Variants in CCT6B observed in about 807,000 individuals in gnomAD.
CCT6B encodes the protein chaperonin containing TCP1 subunit 6B.
CCT6B carries 49 observed loss-of-function variants against 61.5 expected under a neutral mutation model. The observed-to-expected ratio is 0.80, with a 90% CI of 0.63 to 1.01. The LOEUF (loss-of-function observed/expected upper bound fraction) is 1.01, where lower values mean the gene tolerates loss of function less well. Ranked by LOEUF, CCT6B falls within the 50% of genes least tolerant of loss-of-function variation. The probability of loss-of-function intolerance (pLI) is 0.00; values close to 1 mark genes in which losing one functional copy is unlikely to be tolerated. For missense variants in CCT6B, 666 were observed against 634.7 expected (o/e 1.05, Z -0.53); for synonymous variants, 228 against 214.5 (o/e 1.06, Z -0.55).
intron 10 of CCT6B, 34 bp downstream of exon 10, chr17:34,939,149 A>C (rs776730687): frequency 6.4e-7 from 1 of 1,568,246 alleles, no homozygotes; most frequent in Non-Finnish European, 8.8e-7. Context: ...ACACATATAC[A>C]TGAGGTTCAT....
At chr17:34,929,491 C>CTTT (rs112985335) in intron 12 of CCT6B, among the ~76,000 whole-genome samples, 3 of 126,760 alleles carry the variant, frequency 2.4e-5, no homozygotes, top group East Asian at 2.5e-4. Context: ...TGTTTTCTTT[C>CTTT]TTTTTTTTTT....
rs761358249 is a variant in CCT6B, at chr17:34,951,950, T to G, written c.614A>C (p.Lys205Thr). ...TGTTGTCAAAGCTTATGTAATTTAC[T>G]TTGTATCTGTTCCTAATTTATGCTT... Reference protein sequence around the residue: ...EMKHKLGTDTKLIQGLVLDHG... With the variant: ...EMKHKLGTDTTLIQGLVLDHG... Residue 205 changes from lysine to threonine, a missense_variant and splice_region_variant, in exon 5 of 14, where the codon AAG becomes ACG. Coordinates refer to ENST00000314144, the MANE Select transcript of CCT6B (RefSeq NM_006584.4). The G allele has an allele frequency of 2.7e-6, 4 of 1,494,400 alleles. No homozygotes were observed. In the South Asian group the frequency reaches 4.7e-5, roughly 18 times the overall value. 92.6% of individuals were successfully genotyped at this position (1,494,400 alleles called of 1,614,324 possible).
At chr17:34,942,370 G>A in intron 7 of CCT6B, 114 bp downstream of exon 7, 1 of 717,002 alleles carries the variant, frequency 1.4e-6, no homozygotes, top group South Asian at 1.9e-5. Context: ...AATAGTTTTT[G>A]ACCTCACAGA....
Position 34,942,891 on chromosome 17 carries a change from T to C in CCT6B, c.630A>G (p.Leu210=), listed in dbSNP as rs144932771. ...LGTDTKLIQG[L]VLDHGARHPD... is the part of the protein sequence containing the mutation. ...GATGACGGGCACCATGATCCAAAAC[T>C]AATCCTTGGATCAACCTATTAAAAA... is the stretch of plus-strand genomic sequence containing the variant. The change falls in exon 6 of 14, where the codon TTA becomes TTG. Residue 210 remains leucine, a synonymous_variant. Coordinates refer to ENST00000314144, the MANE Select transcript of CCT6B (RefSeq NM_006584.4). The C allele has an allele frequency of 4.2e-5, 67 of 1,597,688 alleles. 1 individual carries two copies. Among genetic ancestry groups the C allele is most frequent in the Non-Finnish European group, 5.3e-5 (62 of 1,168,434 alleles).
chr17:34,945,496 T>G (rs1201135663), intron 5 of CCT6B, among the ~76,000 whole-genome samples: 1 of 152,194 alleles, frequency 6.6e-6, no homozygotes, highest in Non-Finnish European at 1.5e-5. Context: ...ACCGCTCTAT[T>G]TCTGTCATGT....
intron 5 of CCT6B, among the ~76,000 whole-genome samples, chr17:34,946,546 G>A (rs1451120905): frequency 6.6e-6 from 1 of 152,036 alleles, no homozygotes; most frequent in Non-Finnish European, 1.5e-5. Flanking sequence ...TATACACACA[G>A]ATATAAAAAA....
chr17:34,946,564 AAAC>A (rs573594889), intron 5 of CCT6B, among the ~76,000 whole-genome samples: 74 of 152,302 alleles, frequency 4.9e-4, no homozygotes, highest in Admixed American at 1.2e-3. Context: ...AAATTCAAGA[AAAC>A]AACAGACATA....
chr17:34,942,821 T>TGCAA lies in CCT6B; in HGVS notation c.696_699dup (p.Asn234LeufsTer8). 6.2e-7 allele frequency: 1 copy of TGCAA among 1,608,846 alleles called. No homozygotes were observed. The highest frequency in any genetic ancestry group is 8.5e-7 in the Non-Finnish European group (1 of 1,177,308). On this transcript the variant is annotated frameshift_variant, in exon 6 of 14. Transcript: ENST00000314144. LOFTEE classifies it high-confidence loss of function. ...GTTTTTTCATATTCCAGTGAAACGT[T>TGCAA]GCAAATAAGGATAAATGCATCTTCT...
chr17:34,948,314 T>C (rs975129277), intron 5 of CCT6B, among the ~76,000 whole-genome samples: 1 of 152,082 alleles, frequency 6.6e-6, no homozygotes, highest in African/African-American at 2.4e-5. Context: ...TAATAAAGAG[T>C]ATCAGATTTA....
chr17:34,933,918 C>T (rs753982090), intron 10 of CCT6B, among the ~76,000 whole-genome samples: 2 of 151,850 alleles, frequency 1.3e-5, no homozygotes, highest in South Asian at 2.1e-4. Context: ...CACTTGAGCC[C>T]GGAAATTCAA....
chr17:34,929,994 T>C (rs1295093554), intron 12 of CCT6B, among the ~76,000 whole-genome samples: 1 of 152,220 alleles, frequency 6.6e-6, no homozygotes, highest in Non-Finnish European at 1.5e-5. Context: ...TGATTGCAAC[T>C]CCAACCTTCT....
rs752369481 is a variant in CCT6B at position 34,959,668 on chromosome 17, A to G, written c.138-18T>C. The G allele has an allele frequency of 5.1e-6, 8 of 1,576,412 alleles. No individual in the cohort carries two copies. The highest frequency in any genetic ancestry group is 1.1e-5 in the South Asian group (1 of 90,166). On this transcript the variant is annotated intron_variant, in intron 1 of 13. Coordinates refer to ENST00000314144, the MANE Select transcript of CCT6B (RefSeq NM_006584.4). ...AAACAAGCCTGTTCAGAGAAGAATG[A>G]TATTAACTTCATGTGGTAGGAAGAC...
Position 34,942,529 on chromosome 17 carries a change from T to C in CCT6B, c.840A>G (p.Lys280=). 6.2e-7 allele frequency: 1 copy of C among 1,603,370 alleles called. No individual in the cohort carries two copies. The highest frequency in any genetic ancestry group is 8.5e-7 in the Non-Finnish European group (1 of 1,177,414). ...ATCCTTTATTTGACTGAGCACAGAC[T>C]TTGTCCTTCAGGTCTATTATTTTTT... is the stretch of plus-strand genomic sequence containing the variant. ...RVQKIIDLKD[K]VCAQSNKGFV... is the part of the protein sequence containing the mutation. Residue 280 remains lysine (K), a synonymous_variant, in exon 7 of 14, where the codon AAA becomes AAG. Transcript: ENST00000314144.
At chr17:34,959,555 A>C (rs778575797) in intron 2 of CCT6B, 32 bp downstream of exon 2, 1 of 1,529,336 alleles carries the variant, frequency 6.5e-7, no homozygotes, top group East Asian at 2.3e-5. Flanking sequence ...AAGGCTTATT[A>C]AGGTTTATTA....
At chr17:34,954,680 CA>C (rs1023321853) in intron 3 of CCT6B, 81 bp from the exon 4 acceptor site, 9 of 1,163,716 alleles carry the variant, frequency 7.7e-6, no homozygotes, top group Middle Eastern at 2.7e-4. Context: ...TTATTATGTT[CA>C]AAAAAAGTTA....
rs750068166 is a variant in CCT6B, at chr17:34,951,957, C to G, written c.607G>C (p.Asp203His). The change falls in exon 5 of 14, where the codon GAT becomes CAT. Residue 203 changes from aspartate to histidine, a missense_variant. Physicochemically the swap from Asp to His is moderately conservative, Grantham distance 81. Transcript: ENST00000314144. ...AAAGCTTATGTAATTTACTTTGTAT[C>G]TGTTCCTAATTTATGCTTCATCTCC... Reference protein sequence around the residue: ...IMEMKHKLGTDTKLIQGLVLD... With the variant: ...IMEMKHKLGTHTKLIQGLVLD... 4 of 1,545,504 alleles carry G rather than the reference C, an allele frequency of 2.6e-6. No individual in the cohort carries two copies. The highest frequency in any genetic ancestry group is 3.6e-6 in the Non-Finnish European group (4 of 1,123,102).
At chr17:34,953,984 A>C (rs1201611512) in intron 4 of CCT6B, among the ~76,000 whole-genome samples, 1 of 151,794 alleles carries the variant, frequency 6.6e-6, no homozygotes, top group East Asian at 1.9e-4. Context: ...TAAACTAAAC[A>C]AACATACATT....
At chr17:34,952,400 T>C (rs530683407) in intron 4 of CCT6B, among the ~76,000 whole-genome samples, 1 of 152,318 alleles carries the variant, frequency 6.6e-6, no homozygotes, top group East Asian at 1.9e-4. Context: ...CGACTACTCT[T>C]TCTATCATAC....
At position 34,928,980 on chromosome 17, in the gene CCT6B, T is replaced by C; in HGVS notation, c.1505A>G (p.Lys502Arg). 6.2e-7 allele frequency: 1 copy of C among 1,603,574 alleles called. No homozygotes were observed. Among genetic ancestry groups the C allele is most frequent in the South Asian group, 1.1e-5 (1 of 90,224 alleles). ...AGVWDNYCVK[K>R]QLLHSCTVIA... ...AACTTACCAAGAGTGAAGAAGTTGT[T>C]TTTTTACACAATAATTATCCCAAAC... The change falls in exon 13 of 14, where the codon AAA becomes AGA. Residue 502 changes from lysine to arginine, a missense_variant. Transcript: ENST00000314144.
Sources: allele counts gnomAD v4.1 joint callset (sites outside exome capture counted in the v4.1 genomes callset), GRCh38; gene constraint gnomAD v4.1.1; transcripts MANE v1.5; gene names NCBI Gene and HGNC (gene_info 2026-07-23, HGNC 2026-07-21).